The following IFTAP variants were observed in gnomAD, a reference collection of about 807,000 sequenced individuals.
The protein encoded by IFTAP is intraflagellar transport-associated protein.
Under a neutral mutation model 19.4 loss-of-function variants are expected in IFTAP, and 19 were observed. The observed-to-expected ratio is 0.98, with a 90% confidence interval of 0.68 to 1.44. The LOEUF (loss-of-function observed/expected upper bound fraction) is 1.44. IFTAP is among the 40% of genes most tolerant of loss of function. The pLI is 0.00. For missense variants in IFTAP, 240 were observed against 253.6 expected, an observed-to-expected ratio of 0.95 and a Z score of 0.36; for synonymous variants, 85 against 83.5, an observed-to-expected ratio of 1.02 and a Z score of -0.10.
At chr11:36,655,188 C>T (rs1300623540) in intron 5 of IFTAP, among the ~76,000 whole-genome samples, 1 of 152,148 alleles carries the variant, frequency 6.6e-6, no homozygotes, top group East Asian at 1.9e-4. Flanking sequence ...TGACAATGCT[C>T]ACCTACTTTC....
At chr11:36,629,230 A>G (rs547144267) in intron 2 of IFTAP, among the ~76,000 whole-genome samples, 4 of 151,176 alleles carry the variant, frequency 2.6e-5, no homozygotes, top group Non-Finnish European at 5.9e-5. Flanking sequence ...TGCAAAAATC[A>G]CACCCTGACT....
intron 4 of IFTAP, 133 bp from the exon 5 acceptor site, chr11:36,647,883 A>G: frequency 1.0e-6 from 1 of 983,134 alleles, no homozygotes; most frequent in Non-Finnish European, 1.5e-6. Context: ...CCAAAGGAGG[A>G]CAGGCATTGT....
At chr11:36,625,553 TGTG>T (rs1177393733) in intron 2 of IFTAP, among the ~76,000 whole-genome samples, 2 of 152,224 alleles carry the variant, frequency 1.3e-5, no homozygotes, top group Non-Finnish European at 2.9e-5. Context: ...ATTCTCTTTT[TGTG>T]GGACATTTGA....
intron 2 of IFTAP, among the ~76,000 whole-genome samples, chr11:36,631,481 T>C (rs1356126823): frequency 6.6e-6 from 1 of 151,302 alleles, no homozygotes; most frequent in African/African-American, 2.5e-5. Context: ...CTACCAGTGA[T>C]AGGGTATTCA....
chr11:36,652,334 C>G (rs1372173031), intron 5 of IFTAP, among the ~76,000 whole-genome samples: 1 of 152,194 alleles, frequency 6.6e-6, no homozygotes, highest in Non-Finnish European at 1.5e-5. Flanking sequence ...GGAGTTCACA[C>G]ATGATTTGGC....
intron 1 of IFTAP, chr11:36,598,313 C>G (rs1389022835): frequency 6.6e-6 from 1 of 151,030 alleles, no homozygotes; most frequent in African/African-American, 2.4e-5. Flanking sequence ...TTTTTTCTTT[C>G]TTTAGATGGT....
intron 5 of IFTAP, among the ~76,000 whole-genome samples, chr11:36,654,694 C>T (rs1425706471): frequency 1.3e-5 from 2 of 152,130 alleles, no homozygotes; most frequent in Non-Finnish European, 2.9e-5. Flanking sequence ...CCTTCAGGTA[C>T]ATTCAGATTG....
At position 36,636,112 on chromosome 11, in the gene IFTAP, G is replaced by GT; in HGVS notation, c.354dup (p.Glu119Ter). ...GATGAAGAGATTAAACCCCAAATGA[G>GT]TGAGGGTATGCTTTCTATTTCCTTT... On this transcript the variant is annotated frameshift_variant, in exon 4 of 6. Coordinates refer to ENST00000334307, the MANE Select transcript of IFTAP (RefSeq NM_138787.4). LOFTEE classifies it high-confidence loss of function. 1 of 1,606,436 alleles carries GT rather than the reference G, an allele frequency of 6.2e-7. No individual in the cohort carries two copies. The highest frequency in any genetic ancestry group is 1.7e-4 in the Middle Eastern group (1 of 6,014).
intron 5 of IFTAP, among the ~76,000 whole-genome samples, chr11:36,657,260 G>C (rs7113441): frequency 0.34 from 51,462 of 152,014 alleles, 10,837 homozygotes; most frequent in East Asian, 0.63. Flanking sequence ...AGCAAGAACA[G>C]TTAACATTCA....
intron 1 of IFTAP, among the ~76,000 whole-genome samples, chr11:36,608,875 C>T (rs1048177661): frequency 6.6e-6 from 1 of 152,098 alleles, no homozygotes; most frequent in African/African-American, 2.4e-5. Context: ...ATATAGGGCA[C>T]GGGTGAAATA....
At chr11:36,625,283 A>G (rs1416301927) in intron 2 of IFTAP, among the ~76,000 whole-genome samples, 1 of 152,130 alleles carries the variant, frequency 6.6e-6, no homozygotes, top group East Asian at 1.9e-4. Flanking sequence ...TATTTATATT[A>G]CCTGAATTAT....
chr11:36,642,920 T>A (rs1242762638), intron 4 of IFTAP, among the ~76,000 whole-genome samples: 2 of 152,170 alleles, frequency 1.3e-5, no homozygotes, highest in African/African-American at 4.8e-5. Flanking sequence ...GGGCAAAAAC[T>A]GGAAGCATTC....
At chr11:36,631,773 T>C (rs1852735986) in intron 2 of IFTAP, among the ~76,000 whole-genome samples, 2 of 151,168 alleles carry the variant, frequency 1.3e-5, no homozygotes, top group Admixed American at 1.3e-4. Context: ...CCACTTGACT[T>C]TTTTTGAATT....
chr11:36,598,322 G>GT (rs1347290044), intron 1 of IFTAP: 6 of 152,094 alleles, frequency 3.9e-5, no homozygotes, highest in Admixed American at 3.9e-4. Context: ...TCTTTAGATG[G>GT]TTGAGGGAGA....
chr11:36,610,240 G>T lies in IFTAP; in HGVS notation c.136+1G>T. The T allele has an allele frequency of 3.1e-6, 5 of 1,598,554 alleles. No homozygotes were observed. The highest frequency in any genetic ancestry group is 4.3e-6 in the Non-Finnish European group (5 of 1,170,642). ...AACACTTTTACTCATCTTTCACAAG[G>T]TAAAATGGAGAAGTAAACTTTCTGC... On this transcript the variant is annotated splice_donor_variant, in intron 2 of 5. Coordinates refer to ENST00000334307, the MANE Select transcript of IFTAP (RefSeq NM_138787.4). LOFTEE classifies it high-confidence loss of function.
intron 1 of IFTAP, chr11:36,597,669 A>G (rs369341166): frequency 6.6e-6 from 1 of 152,170 alleles, no homozygotes; most frequent in African/African-American, 2.4e-5. Context: ...TGAAACATTA[A>G]ATCTTGCTGA....
chr11:36,640,046 A>G lies in IFTAP; in HGVS notation c.358+3929A>G, dbSNP rs112682388. The stretch of plus-strand genomic sequence containing the variant: ...TAGGCTACCCTGGTAGTTCTCCAAC[A>G]CCTTTAAATAGTTGATTTTTGTGAT... On this transcript the variant is annotated intron_variant, in intron 4 of 5. Coordinates refer to ENST00000334307, the MANE Select transcript of IFTAP (RefSeq NM_138787.4). Among the ~76,000 whole-genome samples, 711 of 152,214 alleles carry G rather than the reference A, an allele frequency of 4.7e-3. 4 individuals are homozygous for G. Among genetic ancestry groups the G allele is most frequent in the African/African-American group, 0.016 (654 of 41,530 alleles).
intron 1 of IFTAP, among the ~76,000 whole-genome samples, chr11:36,596,211 GTTTTTTTTTTGTTTTT>G (rs1851229063): frequency 9.9e-6 from 1 of 101,158 alleles, no homozygotes; most frequent in African/African-American, 4.1e-5. Context: ...AGATGGTAGT[GTTTTTTTTTTGTTTTT>G]TTTTTTTTTT....
chr11:36,651,377 T>C (rs1853719453), intron 5 of IFTAP, among the ~76,000 whole-genome samples: 1 of 152,252 alleles, frequency 6.6e-6, no homozygotes, highest in African/African-American at 2.4e-5. Context: ...TCTGTTCATG[T>C]CCTTCACCCA....
Sources: gnomAD v4.1 joint callset for allele counts (sites outside exome capture counted in the v4.1 genomes callset) on GRCh38, gnomAD v4.1.1 for gene constraint, MANE v1.5 for transcripts, NCBI Gene and HGNC (gene_info 2026-07-23, HGNC 2026-07-21) for gene names.